The following PAPPA2 variants were observed in gnomAD, a reference collection of about 807,000 sequenced individuals.
The protein encoded by PAPPA2 is pappalysin 2.
A neutral mutation model predicts 176.4 loss-of-function variants in PAPPA2; 86 were observed. That is an observed-to-expected ratio of 0.49 (90% CI 0.41 to 0.58). The LOEUF (loss-of-function observed/expected upper bound fraction) is 0.58. Among genes scored for constraint, PAPPA2 ranks in the 20% least tolerant of loss-of-function variants. The pLI, the probability that PAPPA2 is intolerant of heterozygous loss-of-function variation, is 0.00. For synonymous variants in PAPPA2, 809 were observed against 852.2 expected (o/e 0.95, Z 0.88); for missense variants, 2,073 against 2,256.9 (o/e 0.92, Z 1.65).
chr1:176,661,608 G>A (rs1362149338), intron 3 of PAPPA2, among the ~76,000 whole-genome samples: 1 of 151,108 alleles, frequency 6.6e-6, no homozygotes, highest in Non-Finnish European at 1.5e-5. Context: ...CTCATGGCTG[G>A]ATGCGGGAAC....
intron 1 of PAPPA2, among the ~76,000 whole-genome samples, chr1:176,542,281 T>G (rs542735018): frequency 6.6e-6 from 1 of 152,240 alleles, no homozygotes; most frequent in East Asian, 1.9e-4. Context: ...TAGGAGCAAC[T>G]GGGACATAGG....
At chr1:176,626,689 G>A (rs991339863) in intron 3 of PAPPA2, among the ~76,000 whole-genome samples, 1 of 152,124 alleles carries the variant, frequency 6.6e-6, no homozygotes, top group South Asian at 2.1e-4. Context: ...AGGTCAAAAG[G>A]GAGTGCATTT....
At chr1:176,644,379 G>T (rs2102732777) in intron 3 of PAPPA2, among the ~76,000 whole-genome samples, 1 of 151,860 alleles carries the variant, frequency 6.6e-6, no homozygotes, top group Non-Finnish European at 1.5e-5. Flanking sequence ...ACTTGTCCTG[G>T]AGTTTATGAG....
intron 3 of PAPPA2, among the ~76,000 whole-genome samples, chr1:176,601,647 G>A (rs1654328936): frequency 6.6e-6 from 1 of 152,226 alleles, no homozygotes; most frequent in South Asian, 2.1e-4. Context: ...TAGCTGCCCT[G>A]AGAGATGATC....
chr1:176,468,066 G>C (rs1224085770), intron 1 of PAPPA2, among the ~76,000 whole-genome samples: 1 of 152,154 alleles, frequency 6.6e-6, no homozygotes, highest in Non-Finnish European at 1.5e-5. Context: ...CCAAAAAGGA[G>C]CACTATTTCA....
intron 12 of PAPPA2, among the ~76,000 whole-genome samples, chr1:176,723,417 C>T (rs1403711420): frequency 6.6e-6 from 1 of 151,666 alleles, no homozygotes; most frequent in Non-Finnish European, 1.5e-5. Context: ...AAAATGTAGT[C>T]TTCACAAATC....
At chr1:176,688,231 G>A (rs1357458529) in intron 4 of PAPPA2, among the ~76,000 whole-genome samples, 1 of 152,158 alleles carries the variant, frequency 6.6e-6, no homozygotes, top group East Asian at 1.9e-4. Flanking sequence ...GTGTGGTGGA[G>A]GAAAAAGGAT....
At chr1:176,768,153 G>C (rs964783097) in intron 15 of PAPPA2, among the ~76,000 whole-genome samples, 1 of 152,112 alleles carries the variant, frequency 6.6e-6, no homozygotes, top group Non-Finnish European at 1.5e-5. Context: ...TTGGCTGCAC[G>C]TTTTTCAAAC....
chr1:176,556,642 T>C lies in PAPPA2; in HGVS notation c.320T>C (p.Val107Ala). ...PDTEGNAVSL[V>A]PPDLTENPAG... ...ACTGAAGGAAATGCTGTGAGCCTTG[T>C]TCCCCCAGACCTGACTGAAAATCCA... Residue 107 changes from valine to alanine, a missense_variant, in exon 2 of 23, where the codon GTT becomes GCT. This residue lies in a region of PAPPA2 where 1,196 missense variants were observed against 1,330.4 expected (regional missense o/e 0.90). Coordinates refer to ENST00000367662, the MANE Select transcript of PAPPA2 (RefSeq NM_020318.3). 1 of 1,614,188 alleles carries C rather than the reference T, an allele frequency of 6.2e-7. No individual in the cohort carries two copies. Among genetic ancestry groups the C allele is most frequent in the Admixed American group, 1.7e-5 (1 of 60,028 alleles).
chr1:176,652,055 A>T (rs1481815428), intron 3 of PAPPA2, among the ~76,000 whole-genome samples: 1 of 151,002 alleles, frequency 6.6e-6, no homozygotes, highest in Non-Finnish European at 1.5e-5. Context: ...TTTCTGTGTT[A>T]TCTTGGAGAT....
At chr1:176,540,459 A>G (rs1370771201) in intron 1 of PAPPA2, among the ~76,000 whole-genome samples, 1 of 152,190 alleles carries the variant, frequency 6.6e-6, no homozygotes, top group Non-Finnish European at 1.5e-5. Context: ...CTGAGATAGC[A>G]CTGATAGCAA....
chr1:176,842,650 G>T lies in PAPPA2; in HGVS notation c.*196G>T. On this transcript the variant is annotated 3_prime_UTR_variant, in exon 23 of 23. Coordinates refer to ENST00000367662, the MANE Select transcript of PAPPA2 (RefSeq NM_020318.3). Reference sequence around the variant, plus strand: ...TTCATCAAGTAGCCCAAGTAGGAGAGAATCATAGGCAAAAGTTTCTTTAAA... The same window carrying T: ...TTCATCAAGTAGCCCAAGTAGGAGATAATCATAGGCAAAAGTTTCTTTAAA... 1 of 562,250 alleles carries T rather than the reference G, an allele frequency of 1.8e-6. No homozygotes were observed. The highest frequency in any genetic ancestry group is 3.1e-6 in the Non-Finnish European group (1 of 319,714). 34.8% of individuals were successfully genotyped at this position (562,250 alleles called of 1,614,324 possible).
chr1:176,578,437 T>G (rs557476528), intron 2 of PAPPA2, among the ~76,000 whole-genome samples: 12 of 152,300 alleles, frequency 7.9e-5, no homozygotes, highest in African/African-American at 2.9e-4. Flanking sequence ...TGGAGGGAAA[T>G]GCTCCTTTTC....
chr1:176,559,893 A>G (rs921381205), intron 2 of PAPPA2, among the ~76,000 whole-genome samples: 1 of 152,214 alleles, frequency 6.6e-6, no homozygotes, highest in African/African-American at 2.4e-5. Context: ...GGCATTTTTT[A>G]TTCAACAGAG....
intron 2 of PAPPA2, among the ~76,000 whole-genome samples, chr1:176,571,305 ATTAG>A (rs1652315673): frequency 6.6e-6 from 1 of 152,072 alleles, no homozygotes; most frequent in Admixed American, 6.6e-5. Context: ...CCCTCACTGT[ATTAG>A]TTAGGAATGC....
At chr1:176,558,157 C>T (rs1651438409) in intron 2 of PAPPA2, among the ~76,000 whole-genome samples, 1 of 152,150 alleles carries the variant, frequency 6.6e-6, no homozygotes, top group African/African-American at 2.4e-5. Flanking sequence ...CTTTTGAATT[C>T]CCCATGACAG....
At chr1:176,537,854 C>A (rs2102561187) in intron 1 of PAPPA2, among the ~76,000 whole-genome samples, 1 of 152,032 alleles carries the variant, frequency 6.6e-6, no homozygotes, top group Non-Finnish European at 1.5e-5. Context: ...ACCCTCTTGG[C>A]TACTTGGACT....
At chr1:176,759,267 C>A (rs1010165064) in intron 14 of PAPPA2, among the ~76,000 whole-genome samples, 1 of 152,210 alleles carries the variant, frequency 6.6e-6, no homozygotes, top group Non-Finnish European at 1.5e-5. Context: ...TATTATATTA[C>A]AATCTTAGTA....
At chr1:176,520,763 G>C (rs1649172517) in intron 1 of PAPPA2, among the ~76,000 whole-genome samples, 1 of 152,114 alleles carries the variant, frequency 6.6e-6, no homozygotes, top group Non-Finnish European at 1.5e-5. Context: ...TAGTGGACTG[G>C]TCTTGCAACC....
Sources: gnomAD v4.1 joint callset for allele counts (sites outside exome capture counted in the v4.1 genomes callset) on GRCh38, gnomAD v4.1.1 for gene constraint, gnomAD v4.1.1 regional missense constraint, MANE v1.5 for transcripts, NCBI Gene and HGNC (gene_info 2026-07-23, HGNC 2026-07-21) for gene names.